ADARB1: variants seen among roughly 807,000 people sequenced by gnomAD.
ADARB1 encodes adenosine deaminase RNA specific B1, also known as double-stranded RNA-specific editase 1.
In ADARB1, 10 loss-of-function variants were observed where a neutral mutation model predicts 52.4. The observed-to-expected ratio is 0.19, with a 90% confidence interval of 0.12 to 0.32. ADARB1 has a LOEUF of 0.32. ADARB1 is among the 10% of genes least tolerant of loss of function. ADARB1 has a pLI of 1.00. For missense variants in ADARB1, 643 were observed against 922.3 expected, an observed-to-expected ratio of 0.70 and a Z score of 3.92; for synonymous variants, 349 against 371.1, an observed-to-expected ratio of 0.94 and a Z score of 0.68.
chr21:45,170,228 A>G (rs1364882215), intron 2 of ADARB1, among the ~76,000 whole-genome samples: 1 of 152,246 alleles, frequency 6.6e-6, no homozygotes, highest in Non-Finnish European at 1.5e-5. Context: ...TTTCATTTGT[A>G]AATACTTCAG....
At chr21:45,085,743 A>G (rs529876649) in intron 1 of ADARB1, among the ~76,000 whole-genome samples, 1 of 152,342 alleles carries the variant, frequency 6.6e-6, no homozygotes, top group East Asian at 1.9e-4. Context: ...ATCTTGTTAC[A>G]TAGTGAAGCT....
chr21:45,201,540 G>A (rs2045383318), intron 8 of ADARB1, among the ~76,000 whole-genome samples: 1 of 152,206 alleles, frequency 6.6e-6, no homozygotes, highest in South Asian at 2.1e-4. Context: ...TGCTTTTTCT[G>A]TAAGTTAGGG....
intron 1 of ADARB1, among the ~76,000 whole-genome samples, chr21:45,103,212 T>A (rs2087103114): frequency 6.6e-6 from 1 of 152,142 alleles, no homozygotes; most frequent in African/African-American, 2.4e-5. Context: ...GGATTTCAGT[T>A]AATAACAATG....
intron 8 of ADARB1, among the ~76,000 whole-genome samples, chr21:45,202,301 A>G (rs2092572277): frequency 6.6e-6 from 1 of 152,128 alleles, no homozygotes; most frequent in Non-Finnish European, 1.5e-5. Context: ...GACTGCTGTG[A>G]CAGGGATGAG....
intron 2 of ADARB1, among the ~76,000 whole-genome samples, chr21:45,159,045 CAT>C (rs1250044186): frequency 1.3e-5 from 2 of 152,068 alleles, no homozygotes; most frequent in East Asian, 3.9e-4. Context: ...AATTCGGAAA[CAT>C]AGATACAAAA....
rs201160866 is a variant in ADARB1, at chr21:45,134,806, C to T, written c.-48+6233C>T. ...CCAGGCCCATGAGTGATGAAGATCCCGAGGATGAAGACGCCTTGCCAGCCA... is the reference window on the plus strand; with the variant it reads ...CCAGGCCCATGAGTGATGAAGATCCTGAGGATGAAGACGCCTTGCCAGCCA... On this transcript the variant is annotated intron_variant, in intron 2 of 10. Coordinates refer to ENST00000348831, the MANE Select transcript of ADARB1 (RefSeq NM_001112.4). 22 of 534,108 alleles carry T rather than the reference C, an allele frequency of 4.1e-5. No homozygotes were observed. The Middle Eastern group carries it at 9.5e-4, about 23-fold the overall frequency. 33.1% of individuals were successfully genotyped at this position (534,108 alleles called of 1,614,324 possible). A position where few individuals can be genotyped will look rare whatever the true frequency, so the allele number is the denominator to read the frequency against.
At chr21:45,090,667 A>T (rs1367812334) in intron 1 of ADARB1, among the ~76,000 whole-genome samples, 1 of 152,148 alleles carries the variant, frequency 6.6e-6, no homozygotes, top group Admixed American at 6.5e-5. Flanking sequence ...CATCACTGGG[A>T]TCAACCCGGA....
intron 1 of ADARB1, among the ~76,000 whole-genome samples, chr21:45,105,249 C>T (rs558499742): frequency 2.2e-4 from 34 of 152,120 alleles, no homozygotes; most frequent in South Asian, 2.1e-3. Flanking sequence ...TACAGGTGCC[C>T]GCCACCACAC....
At chr21:45,143,644 T>C (rs191717682) in intron 2 of ADARB1, among the ~76,000 whole-genome samples, 8,126 of 152,308 alleles carry the variant, frequency 0.053, 286 homozygotes, top group Middle Eastern at 0.11. Context: ...GACCTCCGTC[T>C]CCTCTCACTC....
At chr21:45,094,596 C>T (rs1473071184) in intron 1 of ADARB1, among the ~76,000 whole-genome samples, 3 of 152,098 alleles carry the variant, frequency 2.0e-5, no homozygotes, top group African/African-American at 7.2e-5. Context: ...TGTTTCTGCT[C>T]TCAAGGTTTC....
intron 1 of ADARB1, chr21:45,117,077 A>G (rs2087870929): frequency 2.6e-5 from 4 of 152,316 alleles, no homozygotes; most frequent in South Asian, 4.1e-4. Context: ...ATTTTAGTAA[A>G]GCTTTTACTG....
chr21:45,146,807 G>A (rs772423348), intron 2 of ADARB1, among the ~76,000 whole-genome samples: 4 of 152,178 alleles, frequency 2.6e-5, no homozygotes, highest in Admixed American at 6.5e-5. Flanking sequence ...TTTACCATCT[G>A]TCTTTTCCTT....
intron 5 of ADARB1, among the ~76,000 whole-genome samples, 156 bp downstream of exon 5, chr21:45,180,600 A>T (rs565674014): frequency 3.3e-5 from 5 of 152,352 alleles, no homozygotes; most frequent in Middle Eastern, 3.4e-3. Context: ...TACGAACTGC[A>T]CTTACAAGCT....
chr21:45,223,061 T>G lies in ADARB1; in HGVS notation c.*864T>G. 1 of 985,384 alleles carries G rather than the reference T, an allele frequency of 1.0e-6. No individual in the cohort carries two copies. The highest frequency in any genetic ancestry group is 1.2e-6 in the Non-Finnish European group (1 of 829,920). 61.0% of individuals were successfully genotyped at this position (985,384 alleles called of 1,614,324 possible). A position where few individuals can be genotyped will look rare whatever the true frequency, so the allele number is the denominator to read the frequency against. ...CAGGTTTTTTAAAGGATATTTAACTTTTATGGACTAGAAGGAATCACGAGG... is the reference window on the plus strand; with the variant it reads ...CAGGTTTTTTAAAGGATATTTAACTGTTATGGACTAGAAGGAATCACGAGG... On this transcript the variant is annotated 3_prime_UTR_variant, in exon 11 of 11. Coordinates refer to ENST00000348831, the MANE Select transcript of ADARB1 (RefSeq NM_001112.4).
chr21:45,139,340 C>T (rs1231208540), intron 2 of ADARB1, among the ~76,000 whole-genome samples: 1 of 152,182 alleles, frequency 6.6e-6, no homozygotes, highest in East Asian at 1.9e-4. Context: ...GAAAGTCATG[C>T]CACAGTTTAA....
chr21:45,184,278 A>G (rs2092025490), intron 7 of ADARB1, among the ~76,000 whole-genome samples: 2 of 152,178 alleles, frequency 1.3e-5, no homozygotes, highest in Non-Finnish European at 2.9e-5. Flanking sequence ...CCAAGTATCC[A>G]TCACCCAGAA....
intron 2 of ADARB1, chr21:45,132,384 GT>G (rs954312861): frequency 6.6e-6 from 1 of 152,234 alleles, no homozygotes; most frequent in Non-Finnish European, 1.5e-5. Context: ...ATTCCAGAGA[GT>G]TTTAAGATTG....
At chr21:45,152,456 T>G (rs991257022) in intron 2 of ADARB1, among the ~76,000 whole-genome samples, 1 of 152,190 alleles carries the variant, frequency 6.6e-6, no homozygotes, top group African/African-American at 2.4e-5. Context: ...GCATGATGAA[T>G]GGGCCCGAGG....
chr21:45,075,026 G>A (rs555741550), intron 1 of ADARB1, among the ~76,000 whole-genome samples: 38 of 151,432 alleles, frequency 2.5e-4, no homozygotes, highest in African/African-American at 8.9e-4. Context: ...GCTGCGCCCG[G>A]GCGGCCCCGC....
Sources: allele counts gnomAD v4.1 joint callset (sites outside exome capture counted in the v4.1 genomes callset), GRCh38; gene constraint gnomAD v4.1.1; transcripts MANE v1.5; gene names NCBI Gene and HGNC (gene_info 2026-07-23, HGNC 2026-07-21).